The following RPF2 variants were observed in gnomAD, a reference collection of about 807,000 sequenced individuals.
RPF2 encodes brix domain containing 1.
RPF2 carries 21 observed loss-of-function variants against 38.9 expected under a neutral mutation model. The observed-to-expected ratio is 0.54, with a 90% confidence interval of 0.38 to 0.78. The LOEUF is 0.78. RPF2 is among the 30% of genes least tolerant of loss of function. The pLI is 0.00. For synonymous variants in RPF2, 121 were observed against 126.2 expected (o/e 0.96, Z 0.28); for missense variants, 314 against 358.1 (o/e 0.88, Z 0.99).
chr6:110,997,612 G>A (rs750043477), intron 5 of RPF2, among the ~76,000 whole-genome samples: 10 of 152,008 alleles, frequency 6.6e-5, no homozygotes, highest in Admixed American at 1.3e-4. Flanking sequence ...GTAGTGGCGC[G>A]TGCCTGTAGT....
At chr6:111,002,097 T>C (rs1771820183) in intron 6 of RPF2, among the ~76,000 whole-genome samples, 1 of 152,026 alleles carries the variant, frequency 6.6e-6, no homozygotes, top group Non-Finnish European at 1.5e-5. Context: ...CTGGCCAACA[T>C]GGTGAAGCCC....
chr6:110,988,857 A>C (rs1283002108), intron 2 of RPF2, 171 bp from the exon 3 acceptor site: 1 of 790,540 alleles, frequency 1.3e-6, no homozygotes, highest in Non-Finnish European at 1.9e-6. Flanking sequence ...CAAGAATATT[A>C]AGCTTACATT....
At chr6:110,984,416 TA>T (rs1178254966) in intron 1 of RPF2, among the ~76,000 whole-genome samples, 4 of 151,588 alleles carry the variant, frequency 2.6e-5, no homozygotes, top group African/African-American at 7.3e-5. Flanking sequence ...ATTTTTTACT[TA>T]AAAAAAAGAT....
intron 6 of RPF2, among the ~76,000 whole-genome samples, chr6:111,000,210 A>G (rs551442352): frequency 1.6e-4 from 25 of 152,068 alleles, no homozygotes; most frequent in Non-Finnish European, 3.1e-4. Context: ...GGCTCAAGCA[A>G]TTCTCCTACC....
chr6:111,013,139 C>T (rs762841503), intron 7 of RPF2, among the ~76,000 whole-genome samples: 1 of 152,188 alleles, frequency 6.6e-6, no homozygotes, highest in East Asian at 1.9e-4. Context: ...TTATACTGTT[C>T]TCCTTTTAAT....
At chr6:111,017,790 T>C (rs1772154556) in intron 8 of RPF2, among the ~76,000 whole-genome samples, 1 of 151,136 alleles carries the variant, frequency 6.6e-6, no homozygotes, top group Admixed American at 6.6e-5. Context: ...GCAGAGACGC[T>C]CCTCACTTCC....
intron 8 of RPF2, among the ~76,000 whole-genome samples, chr6:111,021,067 G>A (rs1241744417): frequency 6.6e-6 from 1 of 152,072 alleles, no homozygotes; most frequent in Non-Finnish European, 1.5e-5. Flanking sequence ...TATTCAGGGG[G>A]CCAAGGCAGG....
Position 110,982,117 on chromosome 6 carries a change from T to C in RPF2, c.11T>C (p.Leu4Pro), listed in dbSNP as rs746588077. The change falls in exon 1 of 10, where the codon CTG becomes CCG. Residue 4 changes from leucine (L) to proline (P), a missense_variant. Transcript: ENST00000441448. MDTLDRVVKPKTKR... is the reference protein window; with the variant it reads MDTPDRVVKPKTKR... ...CAGGTAGCGGTAGCGATGGACACTC[T>C]GGATCGAGTAGTGTAAGTGCGCTGG... 4 of 1,614,202 alleles carry C rather than the reference T, an allele frequency of 2.5e-6. No homozygotes were observed. The highest frequency in any genetic ancestry group is 3.4e-6 in the Non-Finnish European group (4 of 1,180,026).
intron 1 of RPF2, among the ~76,000 whole-genome samples, chr6:110,984,520 A>C (rs1022353718): frequency 2.6e-5 from 4 of 152,188 alleles, no homozygotes; most frequent in Admixed American, 6.6e-5. Context: ...ATAATAAGGA[A>C]ATATCTTTTA....
intron 5 of RPF2, among the ~76,000 whole-genome samples, chr6:110,998,410 T>C (rs981438640): frequency 6.6e-6 from 1 of 151,982 alleles, no homozygotes; most frequent in Non-Finnish European, 1.5e-5. Flanking sequence ...TGAGATCTTA[T>C]TGGGAAGCAG....
At chr6:110,994,808 G>C (rs886374997) in intron 4 of RPF2, among the ~76,000 whole-genome samples, 10 of 150,518 alleles carry the variant, frequency 6.6e-5, no homozygotes, top group Non-Finnish European at 1.5e-4. Context: ...GTATATATGA[G>C]GGGTGTTTTA....
rs547774420 is a variant in RPF2 at position 111,000,167 on chromosome 6, A to G, written c.393+380A>G. On this transcript the variant is annotated intron_variant, in intron 6 of 9. Coordinates refer to ENST00000441448, the MANE Select transcript of RPF2 (RefSeq NM_032194.3). ...GTCACCCAGGCTGGAGAGCAGTGGC[A>G]TGAACATGGCTTACTTCAGCCTTGA... 2.6e-5 allele frequency among the ~76,000 whole-genome samples: 4 copies of G among 152,158 alleles called. No homozygotes were observed. In the South Asian group the frequency reaches 6.2e-4, roughly 24 times the overall value.
chr6:111,008,898 C>CTTTTTTTTTTTT (rs57167034), intron 7 of RPF2, among the ~76,000 whole-genome samples: 1,644 of 120,154 alleles, frequency 0.014, 151 homozygotes, highest in African/African-American at 0.053. Flanking sequence ...TTCCTGGCTC[C>CTTTTTTTTTTTT]TTTTTTTTTT....
In RPF2 at chr6:111,021,100, C is replaced by T. The variant is rs150202965; in HGVS notation, c.597-3083C>T. On this transcript the variant is annotated intron_variant, in intron 8 of 9. Coordinates refer to ENST00000441448, the MANE Select transcript of RPF2 (RefSeq NM_032194.3). ...AGGAGAATTGCTTGAACCACGGAGT[C>T]GGAGATTGCAGCGAGCCTAGATTGT... is the stretch of plus-strand genomic sequence containing the variant. Among the ~76,000 whole-genome samples, 94 of 152,182 alleles carry T rather than the reference C, an allele frequency of 6.2e-4. 1 individual carries two copies. Among genetic ancestry groups the T allele is most frequent in the African/African-American group, 2.1e-3 (86 of 41,512 alleles).
rs1173632032 is a variant in RPF2, at chr6:111,025,678, T to G, written c.*96T>G. ...GAGTTTCTTATAAGATCTTATTATA[T>G]ATTTTTATAACATGATAATTTTACG... On this transcript the variant is annotated 3_prime_UTR_variant, in exon 10 of 10. Coordinates refer to ENST00000441448, the MANE Select transcript of RPF2 (RefSeq NM_032194.3). 2 of 846,646 alleles carry G rather than the reference T, an allele frequency of 2.4e-6. No homozygotes were observed. Among genetic ancestry groups the G allele is most frequent in the Non-Finnish European group, 3.6e-6 (2 of 562,312 alleles). 52.4% of individuals were successfully genotyped at this position (846,646 alleles called of 1,614,324 possible). A position where few individuals can be genotyped will look rare whatever the true frequency, so the allele number is the denominator to read the frequency against.
At chr6:110,995,889 T>C (rs1057212178) in intron 4 of RPF2, among the ~76,000 whole-genome samples, 1 of 151,406 alleles carries the variant, frequency 6.6e-6, no homozygotes, top group Non-Finnish European at 1.5e-5. Flanking sequence ...GCTCACTGCA[T>C]GTAGCCTTGA....
chr6:110,991,827 T>A, intron 4 of RPF2, 41 bp downstream of exon 4: 1 of 830,664 alleles, frequency 1.2e-6, no homozygotes, highest in South Asian at 1.9e-5. Flanking sequence ...AGCATATAAG[T>A]AGTAATTATT....
chr6:110,994,734 T>TATATATATATATAC (rs1436106936), intron 4 of RPF2, among the ~76,000 whole-genome samples: 1 of 134,070 alleles, frequency 7.5e-6, no homozygotes, highest in African/African-American at 3.2e-5. Flanking sequence ...TGAGTATATA[T>TATATATATATATAC]ACACACACAC....
At chr6:110,986,049 A>G (rs543277198) in intron 2 of RPF2, among the ~76,000 whole-genome samples, 1 of 152,270 alleles carries the variant, frequency 6.6e-6, no homozygotes, top group Non-Finnish European at 1.5e-5. Context: ...TGGGAGAGAA[A>G]GAGAAGATCC....
Sources: allele counts gnomAD v4.1 joint callset (sites outside exome capture counted in the v4.1 genomes callset), GRCh38; gene constraint gnomAD v4.1.1; transcripts MANE v1.5; gene names NCBI Gene and HGNC (gene_info 2026-07-23, HGNC 2026-07-21).